EPHA7: variants seen among roughly 807,000 people sequenced by gnomAD.
EPHA7 encodes the protein ephrin type-A receptor 7.
A neutral mutation model predicts 112.6 loss-of-function variants in EPHA7; 25 were observed. The ratio of observed to expected loss-of-function variants is 0.22; its 90% CI spans 0.16 to 0.31. The LOEUF (loss-of-function observed/expected upper bound fraction) is 0.31. Ranked by LOEUF, EPHA7 falls within the 10% of genes least tolerant of loss-of-function variation. EPHA7 has a pLI of 1.00. For missense variants in EPHA7, 962 were observed against 1,212.6 expected (o/e 0.79, Z 3.07); for synonymous variants, 437 against 406.5 (o/e 1.07, Z -0.90).
chr6:93,333,115 TGTAA>T lies in EPHA7; in HGVS notation c.1324+23598_1324+23601del, dbSNP rs1774682279. Among the ~76,000 whole-genome samples, 4 of 151,818 alleles carry T rather than the reference TGTAA, an allele frequency of 2.6e-5. No individual in the cohort carries two copies. In the South Asian group the frequency reaches 8.3e-4, roughly 31 times the overall value. Reference sequence around the variant, plus strand: ...CTGTACTCAGTGTTCAGCTTCCACTTGTAAGTGAGAACATGTACCATTTGGTTTT... The same window carrying T: ...CTGTACTCAGTGTTCAGCTTCCACTTGTGAGAACATGTACCATTTGGTTTT... On this transcript the variant is annotated intron_variant, in intron 5 of 16. Transcript: ENST00000369303.
intron 7 of EPHA7, among the ~76,000 whole-genome samples, chr6:93,268,290 G>C (rs1015238359): frequency 2.6e-5 from 4 of 151,600 alleles, no homozygotes; most frequent in Non-Finnish European, 5.9e-5. Flanking sequence ...GGCTATAAGA[G>C]TTACAGATTT....
intron 5 of EPHA7, among the ~76,000 whole-genome samples, chr6:93,303,550 A>G (rs911368761): frequency 1.3e-5 from 2 of 152,186 alleles, no homozygotes; most frequent in Non-Finnish European, 1.5e-5. Flanking sequence ...TCTAGCATAC[A>G]TATTACCTTA....
intron 5 of EPHA7, among the ~76,000 whole-genome samples, chr6:93,314,865 T>C (rs962416933): frequency 8.6e-5 from 12 of 139,956 alleles, no homozygotes; most frequent in African/African-American, 1.6e-4. Flanking sequence ...TTTCTTTTTT[T>C]TTTTTTTTTT....
At chr6:93,245,168 T>C in intron 16 of EPHA7, 130 bp downstream of exon 16, 1 of 858,812 alleles carries the variant, frequency 1.2e-6, no homozygotes. Context: ...TAAGAACTTG[T>C]TAAAGAAGTA....
At chr6:93,383,263 CGTGTGTGTGTGT>C (rs56368005) in intron 3 of EPHA7, among the ~76,000 whole-genome samples, 8 of 145,324 alleles carry the variant, frequency 5.5e-5, no homozygotes, top group Admixed American at 1.4e-4. Context: ...TATTGGAACT[CGTGTGTGTGTGT>C]GTGTGTGTGT....
chr6:93,384,682 T>C (rs1214805090), intron 3 of EPHA7, among the ~76,000 whole-genome samples: 1 of 152,182 alleles, frequency 6.6e-6, no homozygotes, highest in East Asian at 1.9e-4. Flanking sequence ...TCAATGCACA[T>C]ATTATCTCCT....
intron 5 of EPHA7, among the ~76,000 whole-genome samples, chr6:93,289,039 A>G (rs1279941035): frequency 6.6e-6 from 1 of 152,208 alleles, no homozygotes; most frequent in Non-Finnish European, 1.5e-5. Flanking sequence ...GTTTAAATGA[A>G]TGAATAACAA....
At chr6:93,284,458 G>T (rs1409554832) in intron 5 of EPHA7, among the ~76,000 whole-genome samples, 1 of 152,012 alleles carries the variant, frequency 6.6e-6, no homozygotes, top group Non-Finnish European at 1.5e-5. Flanking sequence ...CAGCAGCAGG[G>T]GGAGAAGGAA....
intron 5 of EPHA7, among the ~76,000 whole-genome samples, chr6:93,331,187 A>G (rs1774574329): frequency 6.6e-6 from 1 of 151,548 alleles, no homozygotes; most frequent in African/African-American, 2.4e-5. Context: ...ATAAGTTACA[A>G]TATTAAAAAT....
chr6:93,403,525 G>T (rs528313272), intron 3 of EPHA7, among the ~76,000 whole-genome samples: 15 of 152,118 alleles, frequency 9.9e-5, no homozygotes, highest in Admixed American at 5.2e-4. Context: ...TGCAGTCCCA[G>T]CTACTTGGGA....
rs369248764 is a variant in EPHA7, at chr6:93,246,632, T to C, written c.2726+160A>G. On this transcript the variant is annotated intron_variant, in intron 15 of 16. Transcript: ENST00000369303. ...AAACACTAATTAAGGTAAGCCTAAC[T>C]GAAAAGAAAAAAATAAACTTCAGTA... Among the ~76,000 whole-genome samples, 6 of 152,242 alleles carry C rather than the reference T, an allele frequency of 3.9e-5. No individual in the cohort carries two copies. In the East Asian group the frequency reaches 9.6e-4, roughly 24 times the overall value.
intron 14 of EPHA7, among the ~76,000 whole-genome samples, chr6:93,248,705 C>A (rs529713121): frequency 6.6e-4 from 97 of 147,426 alleles, no homozygotes; most frequent in Non-Finnish European, 1.2e-3. Context: ...ACAACAACAA[C>A]AAAAAACGGA....
chr6:93,331,753 T>C (rs568966140), intron 5 of EPHA7, among the ~76,000 whole-genome samples: 2 of 151,766 alleles, frequency 1.3e-5, no homozygotes, highest in African/African-American at 4.8e-5. Flanking sequence ...AACCATATTA[T>C]ACCTTGTTTA....
At chr6:93,413,029 C>A (rs1779052582) in intron 2 of EPHA7, among the ~76,000 whole-genome samples, 1 of 152,042 alleles carries the variant, frequency 6.6e-6, no homozygotes, top group South Asian at 2.1e-4. Context: ...TCATTTAACA[C>A]AACTGTTGTT....
At chr6:93,371,505 T>A (rs997658793) in intron 3 of EPHA7, among the ~76,000 whole-genome samples, 7 of 152,194 alleles carry the variant, frequency 4.6e-5, no homozygotes, top group African/African-American at 1.7e-4. Context: ...CCCCCCTTGA[T>A]ACTGAGAGGC....
intron 5 of EPHA7, among the ~76,000 whole-genome samples, chr6:93,296,440 T>A (rs566232942): frequency 0.16 from 13,648 of 87,510 alleles, 803 homozygotes; most frequent in Non-Finnish European, 0.22. Context: ...ATAAAATATA[T>A]AAATATATAT....
At chr6:93,262,534 G>C (rs956977366) in intron 9 of EPHA7, among the ~76,000 whole-genome samples, 1 of 151,306 alleles carries the variant, frequency 6.6e-6, no homozygotes, top group Non-Finnish European at 1.5e-5. Context: ...CCTAAAAAAG[G>C]CCTGTGAAAG....
In EPHA7 at chr6:93,410,286, C is replaced by T; in HGVS notation, c.832+215G>A. 1 of 545,934 alleles carries T rather than the reference C, an allele frequency of 1.8e-6. No homozygotes were observed. The highest frequency in any genetic ancestry group is 3.2e-6 in the Non-Finnish European group (1 of 308,436). 33.8% of individuals were successfully genotyped at this position (545,934 alleles called of 1,614,324 possible). On this transcript the variant is annotated intron_variant, in intron 3 of 16. Coordinates refer to ENST00000369303, the MANE Select transcript of EPHA7 (RefSeq NM_004440.4). This position sits in a 1 kb window ranked among gnomAD's most constrained non-coding sequence, Gnocchi z 4.0. Reference sequence around the variant, plus strand: ...CATAGGACACATTAAATTTTAGTAACAAATTTCATTATCACCTATATTGAT... The same window carrying T: ...CATAGGACACATTAAATTTTAGTAATAAATTTCATTATCACCTATATTGAT...
chr6:93,270,068 G>A (rs1771137622), intron 6 of EPHA7, among the ~76,000 whole-genome samples: 1 of 151,550 alleles, frequency 6.6e-6, no homozygotes, highest in Admixed American at 6.6e-5. Flanking sequence ...AAGAAAAAAA[G>A]CCAGATGCTA....
Sources: allele counts gnomAD v4.1 joint callset (sites outside exome capture counted in the v4.1 genomes callset), GRCh38; gene constraint gnomAD v4.1.1; non-coding constraint Gnocchi (gnomAD v3.1); transcripts MANE v1.5; gene names NCBI Gene and HGNC (gene_info 2026-07-23, HGNC 2026-07-21).